Variants in SCFD2 observed in about 807,000 individuals in gnomAD.
The protein encoded by SCFD2 is sec1 family domain-containing protein 2.
A neutral mutation model predicts 58.9 loss-of-function variants in SCFD2; 54 were observed. The observed-to-expected ratio is 0.92, with a 90% CI of 0.74 to 1.15. The LOEUF is 1.15. Ranked by LOEUF, SCFD2 falls within the 50% of genes most tolerant of loss-of-function variation. The probability of loss-of-function intolerance (pLI) is 0.00; values close to 1 mark genes in which losing one functional copy is unlikely to be tolerated. For missense variants in SCFD2, 805 were observed against 836.6 expected (o/e 0.96, Z 0.47); for synonymous variants, 321 against 335.9 (o/e 0.96, Z 0.49).
At chr4:52,998,886 T>A (rs1013053037) in intron 5 of SCFD2, among the ~76,000 whole-genome samples, 1 of 152,182 alleles carries the variant, frequency 6.6e-6, no homozygotes, top group South Asian at 2.1e-4. Context: ...GGTGTTATGA[T>A]CCATTCCAAC....
intron 3 of SCFD2, among the ~76,000 whole-genome samples, chr4:53,306,404 C>T (rs995011102): frequency 1.3e-5 from 2 of 151,766 alleles, no homozygotes; most frequent in Non-Finnish European, 2.9e-5. Context: ...GGAAAAGAAC[C>T]CAACAAAGAA....
At chr4:53,206,323 C>A (rs2096352294) in intron 4 of SCFD2, among the ~76,000 whole-genome samples, 1 of 151,988 alleles carries the variant, frequency 6.6e-6, no homozygotes, top group Non-Finnish European at 1.5e-5. Context: ...AAATAAATAA[C>A]TAAAAGTAGA....
At chr4:53,121,681 C>T (rs958163942) in intron 5 of SCFD2, among the ~76,000 whole-genome samples, 1 of 152,166 alleles carries the variant, frequency 6.6e-6, no homozygotes, top group African/African-American at 2.4e-5. Context: ...GACCTGGTCG[C>T]AATCAGAATA....
intron 5 of SCFD2, among the ~76,000 whole-genome samples, chr4:52,952,017 G>A (rs77223945): frequency 0.025 from 3,781 of 152,214 alleles, 65 homozygotes; most frequent in Admixed American, 0.054. Context: ...TCTTAAGAAC[G>A]AAGAGATGAT....
intron 5 of SCFD2, among the ~76,000 whole-genome samples, chr4:52,970,721 T>C (rs1175653538): frequency 2.0e-5 from 3 of 152,146 alleles, no homozygotes; most frequent in African/African-American, 7.2e-5. Flanking sequence ...ACTGCCTCCT[T>C]AAGTGGGTCC....
chr4:53,106,623 G>C (rs1725011462), intron 5 of SCFD2, among the ~76,000 whole-genome samples: 1 of 152,194 alleles, frequency 6.6e-6, no homozygotes, highest in Non-Finnish European at 1.5e-5. Context: ...ATCAGAGATT[G>C]AAGATCAACT....
intron 5 of SCFD2, among the ~76,000 whole-genome samples, chr4:53,001,750 G>A (rs1721869916): frequency 6.6e-6 from 1 of 152,200 alleles, no homozygotes; most frequent in African/African-American, 2.4e-5. Flanking sequence ...TTTAAGGAGA[G>A]AAGAAAGCTT....
chr4:53,346,485 G>C (rs1392985084), intron 2 of SCFD2, among the ~76,000 whole-genome samples: 1 of 151,976 alleles, frequency 6.6e-6, no homozygotes, highest in Non-Finnish European at 1.5e-5. Flanking sequence ...TGTTGGTTAG[G>C]CTGGTCTCAA....
At chr4:53,162,200 A>C (rs1726873627) in intron 4 of SCFD2, among the ~76,000 whole-genome samples, 2 of 151,936 alleles carry the variant, frequency 1.3e-5, no homozygotes, top group Admixed American at 1.3e-4. Flanking sequence ...ACAATTTTGC[A>C]ACTCTGATCA....
intron 8 of SCFD2, among the ~76,000 whole-genome samples, chr4:52,875,258 T>C (rs1718443811): frequency 6.6e-6 from 1 of 152,180 alleles, no homozygotes; most frequent in South Asian, 2.1e-4. Flanking sequence ...CCCTTTCTGC[T>C]TCCCTCAGTC....
intron 5 of SCFD2, among the ~76,000 whole-genome samples, chr4:53,037,929 C>T (rs1722805160): frequency 6.6e-6 from 1 of 152,122 alleles, no homozygotes; most frequent in Admixed American, 6.6e-5. Context: ...CACAGTTCAA[C>T]CAAACCCTGG....
chr4:53,032,226 G>A (rs189327743), intron 5 of SCFD2, among the ~76,000 whole-genome samples: 1 of 152,204 alleles, frequency 6.6e-6, no homozygotes, highest in Non-Finnish European at 1.5e-5. Context: ...ATCCTTTACA[G>A]ATAAGCAAAA....
intron 4 of SCFD2, among the ~76,000 whole-genome samples, chr4:53,218,815 G>A (rs1318347256): frequency 6.6e-6 from 1 of 152,170 alleles, no homozygotes; most frequent in African/African-American, 2.4e-5. Context: ...TACAGATGGG[G>A]TTTTGGTGTG....
intron 7 of SCFD2, among the ~76,000 whole-genome samples, chr4:52,886,156 C>T (rs1242009991): frequency 1.3e-5 from 2 of 152,142 alleles, no homozygotes; most frequent in South Asian, 2.1e-4. Context: ...TTACATATAC[C>T]TACCCTTCCC....
At chr4:53,127,573 T>C (rs1051663115) in intron 5 of SCFD2, among the ~76,000 whole-genome samples, 4 of 152,184 alleles carry the variant, frequency 2.6e-5, no homozygotes, top group African/African-American at 9.7e-5. Flanking sequence ...TTGTGAGGCA[T>C]TGAGCTGGTC....
At chr4:53,343,001 A>T (rs1410012407) in intron 2 of SCFD2, among the ~76,000 whole-genome samples, 1 of 152,218 alleles carries the variant, frequency 6.6e-6, no homozygotes, top group Non-Finnish European at 1.5e-5. Context: ...CCACAAGAGA[A>T]AGCAGGAAAG....
At chr4:53,042,702 G>GTT (rs111693275) in intron 5 of SCFD2, among the ~76,000 whole-genome samples, 8,324 of 150,982 alleles carry the variant, frequency 0.055, 474 homozygotes, top group African/African-American at 0.14. Flanking sequence ...TATTTTTTTT[G>GTT]TTTTTTTCAG....
chr4:53,334,896 T>C (rs571144753), intron 2 of SCFD2, among the ~76,000 whole-genome samples: 2 of 152,274 alleles, frequency 1.3e-5, no homozygotes, highest in South Asian at 4.1e-4. Flanking sequence ...ATGTTCCACC[T>C]GATGGGATGC....
intron 3 of SCFD2, among the ~76,000 whole-genome samples, chr4:53,274,483 G>A (rs763387864): frequency 7.9e-5 from 12 of 152,096 alleles, no homozygotes; most frequent in Non-Finnish European, 1.3e-4. Flanking sequence ...GTGAGTTCAT[G>A]ACAATATTCG....
Sources: gnomAD v4.1 joint callset for allele counts (sites outside exome capture counted in the v4.1 genomes callset) on GRCh38, gnomAD v4.1.1 for gene constraint, MANE v1.5 for transcripts, NCBI Gene and HGNC (gene_info 2026-07-23, HGNC 2026-07-21) for gene names.